Variants in FBLN2 observed in about 807,000 individuals in gnomAD.
The protein encoded by FBLN2 is fibulin 2.
FBLN2 carries 81 observed loss-of-function variants against 123.7 expected under a neutral mutation model. The observed-to-expected ratio is 0.65, with a 90% confidence interval of 0.55 to 0.79. FBLN2 has a LOEUF of 0.79. FBLN2 is among the 30% of genes least tolerant of loss of function. The pLI, the probability that FBLN2 is intolerant of heterozygous loss-of-function variation, is 0.00. For synonymous variants in FBLN2, 699 were observed against 701.4 expected, an observed-to-expected ratio of 1.00 and a Z score of 0.05; for missense variants, 1,603 against 1,681.3, an observed-to-expected ratio of 0.95 and a Z score of 0.81.
chr3:13,637,788 G>GT lies in FBLN2; in HGVS notation c.3566dup (p.Tyr1190LeufsTer78). The GT allele has an allele frequency of 1.2e-6, 2 of 1,613,942 alleles. No individual in the cohort carries two copies. Among genetic ancestry groups the GT allele is most frequent in the Non-Finnish European group, 1.7e-6 (2 of 1,179,832 alleles). On this transcript the variant is annotated frameshift_variant, in exon 18 of 18. Transcript: ENST00000404922. LOFTEE classifies it high-confidence loss of function. ...CAGGCTCAATGCCTACACGGGTGTG[G>GT]TCTACCTGCAGCGGGCCGTGCTGGA...
intron 2 of FBLN2, among the ~76,000 whole-genome samples, chr3:13,578,091 C>T (rs1359672776): frequency 6.6e-6 from 1 of 152,186 alleles, no homozygotes; most frequent in Non-Finnish European, 1.5e-5. Context: ...ATTTCACAGC[C>T]GGACCCAACC....
At chr3:13,634,695 A>G (rs1432509002) in intron 16 of FBLN2, among the ~76,000 whole-genome samples, 1 of 152,202 alleles carries the variant, frequency 6.6e-6, no homozygotes, top group Non-Finnish European at 1.5e-5. Flanking sequence ...CCTGGGGCCT[A>G]TTTTACGGAG....
chr3:13,630,577 C>T (rs1159429779), intron 14 of FBLN2, 122 bp from the exon 15 acceptor site: 8 of 749,598 alleles, frequency 1.1e-5, no homozygotes, highest in Admixed American at 7.1e-5. Context: ...AGCTGGCCCT[C>T]GCATAGGTCA....
intron 2 of FBLN2, among the ~76,000 whole-genome samples, chr3:13,599,383 G>T (rs1273178422): frequency 6.6e-6 from 1 of 152,202 alleles, no homozygotes; most frequent in Non-Finnish European, 1.5e-5. Flanking sequence ...CTTGGGGCAG[G>T]ACTGAGTCTG....
At chr3:13,580,751 C>T (rs1162692466) in intron 2 of FBLN2, among the ~76,000 whole-genome samples, 1 of 152,256 alleles carries the variant, frequency 6.6e-6, no homozygotes, top group African/African-American at 2.4e-5. Context: ...TCCTTGGACA[C>T]ACCTCGGCCA....
At chr3:13,605,677 T>C (rs1289538093) in intron 2 of FBLN2, among the ~76,000 whole-genome samples, 1 of 152,184 alleles carries the variant, frequency 6.6e-6, no homozygotes, top group Non-Finnish European at 1.5e-5. Flanking sequence ...GTACTGGTTG[T>C]GTTACGGGCT....
intron 1 of FBLN2, among the ~76,000 whole-genome samples, chr3:13,569,397 G>C (rs1390552573): frequency 6.6e-6 from 1 of 152,152 alleles, no homozygotes; most frequent in Non-Finnish European, 1.5e-5. Context: ...GGGTTCCCTG[G>C]GAAAGGGGAG....
chr3:13,558,052 T>C (rs900262273), intron 1 of FBLN2, among the ~76,000 whole-genome samples: 10 of 152,186 alleles, frequency 6.6e-5, no homozygotes, highest in African/African-American at 2.4e-4. Flanking sequence ...CTGGCAGCCC[T>C]GAGAAATTCC....
At chr3:13,612,071 A>G (rs1705408091) in intron 4 of FBLN2, among the ~76,000 whole-genome samples, 1 of 152,172 alleles carries the variant, frequency 6.6e-6, no homozygotes, top group African/African-American at 2.4e-5. Flanking sequence ...TGATGGTGAC[A>G]GAGACCGCTG....
intron 9 of FBLN2, 23 bp downstream of exon 9, chr3:13,621,938 G>A (rs1239558300): frequency 1.1e-5 from 17 of 1,603,120 alleles, no homozygotes; most frequent in South Asian, 1.0e-4. Context: ...CCCGCCTGCC[G>A]CCCGCCGTCA....
In FBLN2 at chr3:13,570,766, G is replaced by T; in HGVS notation, c.411G>T (p.Val137=). The change falls in exon 2 of 18, where the codon GTG becomes GTT. Residue 137 remains valine (V), a synonymous_variant. Transcript: ENST00000404922. The stretch of plus-strand genomic sequence containing the variant: ...ACAGCTGCCCACAGTGCGGCCAGGT[G>T]GGCTGCGTCCACGCGGGCCACAAGT... ...VADSCPQCGQ[V]GCVHAGHKYA... is the part of the protein sequence containing the mutation. 1 of 1,601,910 alleles carries T rather than the reference G, an allele frequency of 6.2e-7. No homozygotes were observed. The highest frequency in any genetic ancestry group is 1.7e-5 in the Admixed American group (1 of 58,924).
chr3:13,620,334 G>A (rs989293889), intron 8 of FBLN2, among the ~76,000 whole-genome samples: 1 of 152,214 alleles, frequency 6.6e-6, no homozygotes, highest in Admixed American at 6.5e-5. Flanking sequence ...GTCCAGGCCT[G>A]GGTGGAGAGG....
intron 16 of FBLN2, among the ~76,000 whole-genome samples, chr3:13,631,904 G>A (rs538734921): frequency 6.6e-6 from 1 of 152,254 alleles, no homozygotes; most frequent in Non-Finnish European, 1.5e-5. Flanking sequence ...GGGTGTCATG[G>A]GGAGGCTTTT....
intron 2 of FBLN2, among the ~76,000 whole-genome samples, chr3:13,604,285 G>A (rs1361760649): frequency 6.6e-6 from 1 of 152,176 alleles, no homozygotes; most frequent in Non-Finnish European, 1.5e-5. Flanking sequence ...TGCTTTTGGT[G>A]TTTTAGACAT....
At chr3:13,611,905 G>C (rs932632536) in intron 4 of FBLN2, among the ~76,000 whole-genome samples, 1 of 152,188 alleles carries the variant, frequency 6.6e-6, no homozygotes, top group Admixed American at 6.5e-5. Flanking sequence ...TGAGAAAAAA[G>C]GGAAACAGAC....
chr3:13,568,242 C>A (rs774783044), intron 1 of FBLN2, among the ~76,000 whole-genome samples: 1 of 152,174 alleles, frequency 6.6e-6, no homozygotes, highest in Non-Finnish European at 1.5e-5. Flanking sequence ...GGCCCTCCAC[C>A]GCAGCCTTCC....
Position 13,637,521 on chromosome 3 carries a change from G to C in FBLN2, c.3339-41G>C, listed in dbSNP as rs767316032. On this transcript the variant is annotated intron_variant, in intron 17 of 17. Transcript: ENST00000404922. ...TGTGTCCCCGTCTGGGGATGAGGGG[G>C]GTGGGCGAGCTGTGGGTGACCCGGC... The C allele has an allele frequency of 4.0e-5, 61 of 1,523,906 alleles. 2 individuals carry two copies. Among genetic ancestry groups the C allele is most frequent in the Admixed American group, 7.2e-5 (4 of 55,360 alleles). 94.4% of individuals were successfully genotyped at this position (1,523,906 alleles called of 1,614,324 possible). A position where few individuals can be genotyped will look rare whatever the true frequency, so the allele number is the denominator to read the frequency against.
chr3:13,614,202 G>A lies in FBLN2; in HGVS notation c.1729+38G>A, dbSNP rs77813695. On this transcript the variant is annotated intron_variant, in intron 5 of 17. Coordinates refer to ENST00000404922, the MANE Select transcript of FBLN2 (RefSeq NM_001004019.2). The stretch of plus-strand genomic sequence containing the variant: ...CTTCCCTGGCTGCGGCATATAGGGC[G>A]AAGGCTGGTTGACCTCTGGCCTTCT... 2,446 of 1,590,436 alleles carry A rather than the reference G, an allele frequency of 1.5e-3. 34 individuals are homozygous for A. The African/African-American group carries it at 0.026, about 17-fold the overall frequency.
chr3:13,629,888 T>G lies in FBLN2; in HGVS notation c.2911T>G (p.Tyr971Asp), dbSNP rs1706193943. ...QHTCENTLGS[Y>D]RCSCASGFLL... ...CACGTGTGAGAACACACTCGGCTCC[T>G]ACCGCTGTTCCTGCGCCTCCGGGTT... is the stretch of plus-strand genomic sequence containing the variant. The change falls in exon 14 of 18, where the codon TAC becomes GAC. Residue 971 changes from tyrosine (Y) to aspartate (D), a missense_variant. Transcript: ENST00000404922. The G allele has an allele frequency of 6.2e-7, 1 of 1,603,800 alleles. No homozygotes were observed. Among genetic ancestry groups the G allele is most frequent in the Admixed American group, 1.7e-5 (1 of 58,796 alleles).
Sources: gnomAD v4.1 joint callset for allele counts (sites outside exome capture counted in the v4.1 genomes callset) on GRCh38, gnomAD v4.1.1 for gene constraint, MANE v1.5 for transcripts, NCBI Gene and HGNC (gene_info 2026-07-23, HGNC 2026-07-21) for gene names.